Variants in PDE7B observed in about 807,000 individuals in gnomAD.
PDE7B encodes the protein 3',5'-cyclic-AMP phosphodiesterase 7B.
Under a neutral mutation model 56.2 loss-of-function variants are expected in PDE7B, and 29 were observed. The observed-to-expected ratio is 0.52, with a 90% confidence interval of 0.38 to 0.70. The LOEUF (loss-of-function observed/expected upper bound fraction) is 0.70. Among genes scored for constraint, PDE7B ranks in the 30% least tolerant of loss-of-function variants. The pLI, the probability that PDE7B is intolerant of heterozygous loss-of-function variation, is 0.00. For missense variants in PDE7B, 490 were observed against 565.0 expected, an observed-to-expected ratio of 0.87 and a Z score of 1.35; for synonymous variants, 197 against 196.9, an observed-to-expected ratio of 1.00 and a Z score of 0.00.
intron 2 of PDE7B, among the ~76,000 whole-genome samples, chr6:136,099,357 C>T (rs1222910381): frequency 1.3e-5 from 2 of 152,144 alleles, no homozygotes; most frequent in African/African-American, 4.8e-5. Flanking sequence ...CCACACTGTC[C>T]TCCACAATGG....
intron 1 of PDE7B, among the ~76,000 whole-genome samples, chr6:135,866,992 G>A (rs941649852): frequency 1.3e-5 from 2 of 152,164 alleles, no homozygotes; most frequent in Non-Finnish European, 2.9e-5. Context: ...TTGGGTGCTT[G>A]TGTTTTCCTA....
intron 2 of PDE7B, among the ~76,000 whole-genome samples, chr6:135,962,395 T>C (rs1176546541): frequency 6.6e-6 from 1 of 152,140 alleles, no homozygotes; most frequent in African/African-American, 2.4e-5. Context: ...AGTATCAGAA[T>C]TGAGTTGAAT....
chr6:136,019,983 C>A (rs1336022824), intron 2 of PDE7B, among the ~76,000 whole-genome samples: 1 of 152,118 alleles, frequency 6.6e-6, no homozygotes, highest in Non-Finnish European at 1.5e-5. Context: ...ATAAGTGGAC[C>A]TATGCAGTTC....
intron 10 of PDE7B, among the ~76,000 whole-genome samples, chr6:136,180,915 A>G (rs1376243769): frequency 6.6e-6 from 1 of 152,176 alleles, no homozygotes; most frequent in Non-Finnish European, 1.5e-5. Context: ...TGCATGCAGG[A>G]GGTGGAGCTA....
chr6:135,879,699 A>G lies in PDE7B; in HGVS notation c.21+27680A>G, dbSNP rs188190454. ...GGAAATACAGTTGGAGAGGCAAACT[A>G]TATATGAATGAAACAGCCTAAGAAT... On this transcript the variant is annotated intron_variant, in intron 1 of 12. Coordinates refer to ENST00000308191, the MANE Select transcript of PDE7B (RefSeq NM_018945.4). Among the ~76,000 whole-genome samples the G allele has an allele frequency of 1.8e-3, 279 of 152,312 alleles. 3 individuals carry two copies. Among genetic ancestry groups the G allele is most frequent in the Admixed American group, 6.1e-3 (93 of 15,294 alleles).
chr6:136,147,335 T>G lies in PDE7B; in HGVS notation c.167-16T>G, dbSNP rs1362635021. On this transcript the variant is annotated splice_polypyrimidine_tract_variant and intron_variant, in intron 3 of 12. Transcript: ENST00000308191. ...TTTTAAATATATAAATTTCTTGACT[T>G]GATGACTTTCCACAGGTACAACATA... The G allele has an allele frequency of 1.9e-6, 3 of 1,583,760 alleles. No homozygotes were observed. Among genetic ancestry groups the G allele is most frequent in the Non-Finnish European group, 2.6e-6 (3 of 1,158,400 alleles).
Position 136,074,268 on chromosome 6 carries a change from T to G in PDE7B, c.83-34463T>G, listed in dbSNP as rs552234195. Among the ~76,000 whole-genome samples, 242 of 151,854 alleles carry G rather than the reference T, an allele frequency of 1.6e-3. 1 individual carries two copies. Among genetic ancestry groups the G allele is most frequent in the African/African-American group, 5.5e-3 (229 of 41,432 alleles). ...AGGCGGGGGGGATTTGGGGTTTTTT[T>G]GTTGTTTAAGGGTTTTTTAATTTTT... On this transcript the variant is annotated intron_variant, in intron 2 of 12. Coordinates refer to ENST00000308191, the MANE Select transcript of PDE7B (RefSeq NM_018945.4).
chr6:136,114,758 A>G (rs1777803852), intron 3 of PDE7B: 1 of 152,190 alleles, frequency 6.6e-6, no homozygotes, highest in South Asian at 2.1e-4. Context: ...ACTTGTTCAG[A>G]CTTCTCCTCA....
At chr6:136,071,927 AT>A (rs1293444784) in intron 2 of PDE7B, among the ~76,000 whole-genome samples, 4 of 152,250 alleles carry the variant, frequency 2.6e-5, no homozygotes, top group African/African-American at 9.6e-5. Flanking sequence ...TTCCATTAAC[AT>A]TTTTTTCCTT....
At chr6:135,956,723 T>C (rs1774801326) in intron 2 of PDE7B, among the ~76,000 whole-genome samples, 1 of 151,318 alleles carries the variant, frequency 6.6e-6, no homozygotes, top group Non-Finnish European at 1.5e-5. Flanking sequence ...AAGGCTGCAG[T>C]GAACCATGAT....
chr6:135,971,261 A>G (rs1377134708), intron 2 of PDE7B, among the ~76,000 whole-genome samples: 1 of 152,194 alleles, frequency 6.6e-6, no homozygotes, highest in Non-Finnish European at 1.5e-5. Flanking sequence ...CCAAAGAGAA[A>G]GGCCTGAAAC....
At chr6:136,135,591 A>T (rs1031154915) in intron 3 of PDE7B, among the ~76,000 whole-genome samples, 1 of 152,062 alleles carries the variant, frequency 6.6e-6, no homozygotes, top group Non-Finnish European at 1.5e-5. Context: ...TTTTCTGACC[A>T]CTGAGAATAG....
At chr6:135,921,075 A>G (rs1774068745) in intron 1 of PDE7B, among the ~76,000 whole-genome samples, 1 of 152,156 alleles carries the variant, frequency 6.6e-6, no homozygotes, top group Non-Finnish European at 1.5e-5. Flanking sequence ...CCCGAGGAGG[A>G]TCGCCTATTA....
chr6:136,075,381 T>C (rs1461709422), intron 2 of PDE7B, among the ~76,000 whole-genome samples: 1 of 152,208 alleles, frequency 6.6e-6, no homozygotes, highest in African/African-American at 2.4e-5. Flanking sequence ...TGCTGAACTG[T>C]ATTCCTTGGA....
At chr6:136,038,373 C>T (rs953249474) in intron 2 of PDE7B, 4 of 1,291,668 alleles carry the variant, frequency 3.1e-6, no homozygotes, top group African/African-American at 1.5e-5. Flanking sequence ...CCCTCCTCCC[C>T]GGGAAGCCGG....
intron 1 of PDE7B, among the ~76,000 whole-genome samples, chr6:135,934,444 G>A (rs901762638): frequency 3.3e-5 from 5 of 151,270 alleles, no homozygotes; most frequent in East Asian, 2.0e-4. Flanking sequence ...ATATATATTC[G>A]GGCCCAGTGC....
intron 2 of PDE7B, among the ~76,000 whole-genome samples, chr6:135,999,375 C>A (rs1018657621): frequency 6.6e-6 from 1 of 152,056 alleles, no homozygotes; most frequent in Admixed American, 6.6e-5. Flanking sequence ...GGTACTAAAC[C>A]TAATACCCAA....
chr6:135,930,936 T>C (rs933874043), intron 1 of PDE7B, among the ~76,000 whole-genome samples: 5 of 152,198 alleles, frequency 3.3e-5, no homozygotes, highest in Admixed American at 3.3e-4. Flanking sequence ...TTTATTATTC[T>C]GATAATCAAA....
chr6:136,083,071 G>A (rs909038292), intron 2 of PDE7B, among the ~76,000 whole-genome samples: 2 of 152,196 alleles, frequency 1.3e-5, no homozygotes, highest in Non-Finnish European at 2.9e-5. Flanking sequence ...GGAAATCCAG[G>A]ACTGGAGTCT....
Sources: gnomAD v4.1 joint callset for allele counts (sites outside exome capture counted in the v4.1 genomes callset) on GRCh38, gnomAD v4.1.1 for gene constraint, MANE v1.5 for transcripts, NCBI Gene and HGNC (gene_info 2026-07-23, HGNC 2026-07-21) for gene names.